PHIP: variants seen among roughly 807,000 people sequenced by gnomAD.
The protein encoded by PHIP is PH-interacting protein.
Under a neutral mutation model 236.8 loss-of-function variants are expected in PHIP, and 54 were observed. That is an observed-to-expected ratio of 0.23 (90% CI 0.18 to 0.29). PHIP has a LOEUF of 0.29. Among genes scored for constraint, PHIP ranks in the 10% least tolerant of loss-of-function variants. PHIP has a pLI of 1.00. For missense variants in PHIP, 1,370 were observed against 2,190.8 expected (o/e 0.63, Z 7.48); for synonymous variants, 756 against 718.9 (o/e 1.05, Z -0.83).
intron 7 of PHIP, among the ~76,000 whole-genome samples, chr6:79,039,771 C>T (rs991905146): frequency 6.6e-6 from 1 of 152,108 alleles, no homozygotes; most frequent in African/African-American, 2.4e-5. Flanking sequence ...TTCATTAACT[C>T]TGCTTTTCTC....
chr6:78,946,586 A>G, intron 37 of PHIP, 125 bp downstream of exon 37: 1 of 1,417,252 alleles, frequency 7.1e-7, no homozygotes, highest in Non-Finnish European at 9.2e-7. Context: ...CATCATAGGA[A>G]CTTGCATGTC....
intron 4 of PHIP, among the ~76,000 whole-genome samples, chr6:79,065,286 G>A (rs1032561907): frequency 5.3e-5 from 8 of 152,104 alleles, no homozygotes; most frequent in Non-Finnish European, 1.0e-4. Context: ...AAACACTTCT[G>A]ATGCTTTCCT....
chr6:78,965,642 A>C, intron 29 of PHIP, 61 bp downstream of exon 29: 1 of 942,608 alleles, frequency 1.1e-6, no homozygotes, highest in Non-Finnish European at 1.7e-6. Flanking sequence ...AGCAAATCTT[A>C]AATAATTTCT....
intron 4 of PHIP, among the ~76,000 whole-genome samples, chr6:79,069,082 C>T (rs1487075734): frequency 6.6e-6 from 1 of 151,104 alleles, no homozygotes; most frequent in East Asian, 1.9e-4. Context: ...TTCTAAAAGG[C>T]CAGTTTATTG....
At chr6:79,059,339 A>T (rs6915558) in intron 6 of PHIP, among the ~76,000 whole-genome samples, 68,015 of 151,272 alleles carry the variant, frequency 0.45, 15,964 homozygotes, top group East Asian at 0.69. Flanking sequence ...TTAAAAAATT[A>T]ACATCAAGAC....
intron 39 of PHIP, among the ~76,000 whole-genome samples, chr6:78,944,968 G>GA (rs5877636): frequency 0.33 from 50,078 of 151,948 alleles, 9,830 homozygotes; most frequent in East Asian, 0.69. Flanking sequence ...AGTCAGTCTA[G>GA]AAAAATAAGT....
chr6:79,017,597 CA>C lies in PHIP; in HGVS notation c.995-15del. On this transcript the variant is annotated splice_polypyrimidine_tract_variant and intron_variant, in intron 10 of 39. Coordinates refer to ENST00000275034, the MANE Select transcript of PHIP (RefSeq NM_017934.7). ...GAAACATTCCACCTATGAAGAATAA[CA>C]GCAATTGTTAAGAAGTAAAACATAA... 1 of 1,563,422 alleles carries C rather than the reference CA, an allele frequency of 6.4e-7. No individual in the cohort carries two copies. Among genetic ancestry groups the C allele is most frequent in the African/African-American group, 1.4e-5 (1 of 73,852 alleles).
At chr6:79,077,661 G>A in intron 3 of PHIP, 39 bp downstream of exon 3, 15 of 961,952 alleles carry the variant, frequency 1.6e-5, no homozygotes, top group Non-Finnish European at 1.8e-5. Flanking sequence ...AGAGGCGGCC[G>A]CGCGGCGGCG....
At chr6:78,943,532 G>C (rs1773619256) in intron 39 of PHIP, among the ~76,000 whole-genome samples, 1 of 152,094 alleles carries the variant, frequency 6.6e-6, no homozygotes, top group Non-Finnish European at 1.5e-5. Context: ...AAAGCATTTT[G>C]GTTATTCAAA....
chr6:78,963,295 T>TTAG, intron 29 of PHIP, 43 bp from the exon 30 acceptor site: 2 of 1,506,650 alleles, frequency 1.3e-6, no homozygotes, highest in South Asian at 2.5e-5. Flanking sequence ...TGGTAACTTA[T>TTAG]TAGTATTCAG....
chr6:78,970,812 T>C lies in PHIP; in HGVS notation c.2966A>G (p.Lys989Arg), dbSNP rs944956263. 2.2e-5 allele frequency: 35 copies of C among 1,610,580 alleles called. No individual in the cohort carries two copies. Among genetic ancestry groups the C allele is most frequent in the African/African-American group, 4.0e-5 (3 of 74,778 alleles). ...CTCCATTTTATGCCATGGTTGTTTTTTGGGATTGATACTATATATTTTATT... is the reference window on the plus strand; with the variant it reads ...CTCCATTTTATGCCATGGTTGTTTTCTGGGATTGATACTATATATTTTATT... ...RKNKIYSINP[K>R]KQPWHKMELR... The change falls in exon 25 of 40, where the codon AAA becomes AGA. Residue 989 changes from lysine to arginine, a missense_variant. Coordinates refer to ENST00000275034, the MANE Select transcript of PHIP (RefSeq NM_017934.7).
intron 27 of PHIP, among the ~76,000 whole-genome samples, chr6:78,967,451 T>G (rs1767218527): frequency 6.6e-6 from 1 of 152,156 alleles, no homozygotes; most frequent in Non-Finnish European, 1.5e-5. Flanking sequence ...ACGAACAATA[T>G]CTGTAGAATA....
intron 6 of PHIP, among the ~76,000 whole-genome samples, chr6:79,049,191 T>A (rs1772664066): frequency 6.6e-6 from 1 of 151,876 alleles, no homozygotes; most frequent in Non-Finnish European, 1.5e-5. Flanking sequence ...GCCTCCTGAG[T>A]AGCTGGGATT....
At chr6:79,024,162 G>A (rs181384944) in intron 9 of PHIP, among the ~76,000 whole-genome samples, 22 of 152,190 alleles carry the variant, frequency 1.4e-4, no homozygotes, top group African/African-American at 5.3e-4. Flanking sequence ...TGGCCCCCAA[G>A]CTGCCATAAG....
chr6:78,965,828 T>C lies in PHIP; in HGVS notation c.3318-64A>G, dbSNP rs918125578. 10 of 1,179,968 alleles carry C rather than the reference T, an allele frequency of 8.5e-6. No individual in the cohort carries two copies. In the African/African-American group the frequency reaches 1.5e-4, roughly 18 times the overall value. 73.1% of individuals were successfully genotyped at this position (1,179,968 alleles called of 1,614,324 possible). A position where few individuals can be genotyped will look rare whatever the true frequency, so the allele number is the denominator to read the frequency against. On this transcript the variant is annotated intron_variant, in intron 28 of 39. Coordinates refer to ENST00000275034, the MANE Select transcript of PHIP (RefSeq NM_017934.7). ...TTATTGTATCACAATTTTAATAAAATCAATTATCAAAATAATTGCTTCTGT... is the reference window on the plus strand; with the variant it reads ...TTATTGTATCACAATTTTAATAAAACCAATTATCAAAATAATTGCTTCTGT...
Position 79,060,589 on chromosome 6 carries a change from T to C in PHIP, c.341-13A>G. On this transcript the variant is annotated splice_polypyrimidine_tract_variant and intron_variant, in intron 5 of 39. Coordinates refer to ENST00000275034, the MANE Select transcript of PHIP (RefSeq NM_017934.7). ...ACATGCTTGCAGCCTATTAAACACA[T>C]GTATTTTTATGCATACAAAGAACAC... 6.2e-7 allele frequency: 1 copy of C among 1,611,732 alleles called. No individual in the cohort carries two copies. Among genetic ancestry groups the C allele is most frequent in the Non-Finnish European group, 8.5e-7 (1 of 1,178,480 alleles).
At chr6:79,003,015 C>T (rs577073471) in intron 16 of PHIP, among the ~76,000 whole-genome samples, 1 of 152,086 alleles carries the variant, frequency 6.6e-6, no homozygotes, top group Non-Finnish European at 1.5e-5. Flanking sequence ...AAATTATAAA[C>T]TACTCAATAT....
At position 78,940,891 on chromosome 6, in the gene PHIP, A is replaced by C. The variant is rs1367276733; in HGVS notation, c.5268T>G (p.Phe1756Leu). ...IDDPIDEEEE[F>L]EELKGSEPHM... ...GGGGTTCAGAGCCTTTGAGTTCTTC[A>C]AACTCTTCTTCCTCATCTATAGGAT... The change falls in exon 40 of 40, where the codon TTT (phenylalanine) becomes TTG (leucine). Residue 1756 changes from phenylalanine to leucine, a missense_variant. This residue lies in a region of PHIP where 309 missense variants were observed against 328.3 expected (regional missense o/e 0.94). Transcript: ENST00000275034. The C allele has an allele frequency of 6.2e-7, 1 of 1,613,782 alleles. No individual in the cohort carries two copies. Among genetic ancestry groups the C allele is most frequent in the African/African-American group, 1.3e-5 (1 of 74,996 alleles).
intron 24 of PHIP, among the ~76,000 whole-genome samples, chr6:78,973,176 C>G (rs1444683999): frequency 2.0e-5 from 3 of 152,262 alleles, no homozygotes; most frequent in African/African-American, 7.2e-5. Flanking sequence ...AACAGCGGAT[C>G]TCTCAGCAGA....
Sources: gnomAD v4.1 joint callset for allele counts (sites outside exome capture counted in the v4.1 genomes callset) on GRCh38, gnomAD v4.1.1 for gene constraint, gnomAD v4.1.1 regional missense constraint, MANE v1.5 for transcripts, NCBI Gene and HGNC (gene_info 2026-07-23, HGNC 2026-07-21) for gene names.